Variants in GIGYF2 observed in about 807,000 individuals in gnomAD.
The protein encoded by GIGYF2 is GRB10 interacting GYF protein 2, also known as GRB10-interacting GYF protein 2.
GIGYF2 carries 25 observed loss-of-function variants against 208.1 expected under a neutral mutation model. That is an observed-to-expected ratio of 0.12 (90% CI 0.09 to 0.17). The LOEUF (loss-of-function observed/expected upper bound fraction) is 0.17. GIGYF2 is among the 10% of genes least tolerant of loss of function. The probability of loss-of-function intolerance (pLI) is 1.00; values close to 1 mark genes in which losing one functional copy is unlikely to be tolerated. For synonymous variants in GIGYF2, 534 were observed against 543.8 expected (o/e 0.98, Z 0.25); for missense variants, 1,302 against 1,579.4 (o/e 0.82, Z 2.98).
chr2:232,704,627 G>C (rs1377778007), intron 2 of GIGYF2, among the ~76,000 whole-genome samples: 1 of 152,008 alleles, frequency 6.6e-6, no homozygotes, highest in Non-Finnish European at 1.5e-5. Flanking sequence ...GAACTTCTGG[G>C]CCCAAGTGAT....
At chr2:232,852,737 G>A (rs983346823) in intron 28 of GIGYF2, among the ~76,000 whole-genome samples, 1 of 152,100 alleles carries the variant, frequency 6.6e-6, no homozygotes, top group Non-Finnish European at 1.5e-5. Context: ...GGATGAAATT[G>A]GTGAATAGAT....
chr2:232,787,675 C>G (rs1699957113), intron 9 of GIGYF2, among the ~76,000 whole-genome samples: 1 of 152,176 alleles, frequency 6.6e-6, no homozygotes, highest in Non-Finnish European at 1.5e-5. Flanking sequence ...GTAAAAATTA[C>G]ACACTTGAAA....
chr2:232,800,889 T>C (rs1207692428), intron 14 of GIGYF2, among the ~76,000 whole-genome samples: 1 of 149,808 alleles, frequency 6.7e-6, no homozygotes, highest in Non-Finnish European at 1.5e-5. Flanking sequence ...TGTCTCTCGC[T>C]TTTTTTGAGA....
At chr2:232,807,616 T>C (rs1700597516) in intron 15 of GIGYF2, among the ~76,000 whole-genome samples, 1 of 152,258 alleles carries the variant, frequency 6.6e-6, no homozygotes. Flanking sequence ...CTTCTTCCTC[T>C]TGGGCTGCTC....
At chr2:232,726,601 ATAAG>A (rs1697213991) in intron 2 of GIGYF2, among the ~76,000 whole-genome samples, 3 of 152,068 alleles carry the variant, frequency 2.0e-5, no homozygotes, top group African/African-American at 7.2e-5. Flanking sequence ...AAATAAATAA[ATAAG>A]AGAGTTTTTT....
intron 22 of GIGYF2, among the ~76,000 whole-genome samples, chr2:232,837,855 A>G (rs1053959453): frequency 6.6e-6 from 1 of 152,212 alleles, no homozygotes; most frequent in African/African-American, 2.4e-5. Flanking sequence ...ACAGTGAAAC[A>G]GTTATTTCTT....
intron 18 of GIGYF2, among the ~76,000 whole-genome samples, chr2:232,815,169 A>G (rs1051170886): frequency 6.6e-6 from 1 of 152,216 alleles, no homozygotes; most frequent in African/African-American, 2.4e-5. Context: ...TGAATACTTC[A>G]GTGGCATTCA....
intron 2 of GIGYF2, among the ~76,000 whole-genome samples, chr2:232,712,362 A>G (rs1352755571): frequency 1.3e-5 from 2 of 152,240 alleles, no homozygotes; most frequent in Non-Finnish European, 2.9e-5. Context: ...ATCATGTAGA[A>G]TATTAAAAAG....
intron 1 of GIGYF2, among the ~76,000 whole-genome samples, chr2:232,702,006 T>C (rs1328423663): frequency 4.6e-5 from 7 of 151,700 alleles, no homozygotes; most frequent in African/African-American, 1.7e-4. Context: ...TAAAAAAGAT[T>C]TTTAAAAAAT....
chr2:232,790,684 C>T lies in GIGYF2; in HGVS notation c.713-14C>T, dbSNP rs1700042962. 1 of 1,600,812 alleles carries T rather than the reference C, an allele frequency of 6.2e-7. No homozygotes were observed. Among genetic ancestry groups the T allele is most frequent in the South Asian group, 1.1e-5 (1 of 90,832 alleles). ...AAAACTTTTCTAAGGTTTGTGTCCT[C>T]CTTCTCATCTCAGATGGCCCTCGTT... On this transcript the variant is annotated splice_polypyrimidine_tract_variant and intron_variant, in intron 9 of 28. Coordinates refer to ENST00000373563, the MANE Select transcript of GIGYF2 (RefSeq NM_001103146.3).
chr2:232,727,343 G>A (rs1424905096), intron 2 of GIGYF2, among the ~76,000 whole-genome samples: 1 of 152,152 alleles, frequency 6.6e-6, no homozygotes, highest in Non-Finnish European at 1.5e-5. Flanking sequence ...TATATTGAGA[G>A]AATTGCCTGT....
intron 2 of GIGYF2, among the ~76,000 whole-genome samples, chr2:232,731,744 A>G (rs150344914): frequency 2.7e-3 from 407 of 152,374 alleles, no homozygotes; most frequent in African/African-American, 8.9e-3. Context: ...GGAATGTACC[A>G]TAATTTTAAT....
At chr2:232,781,689 A>G (rs1047037792) in intron 8 of GIGYF2, among the ~76,000 whole-genome samples, 2 of 152,080 alleles carry the variant, frequency 1.3e-5, no homozygotes, top group African/African-American at 4.8e-5. Flanking sequence ...TGATTTGTCT[A>G]CCACCCTTTT....
In GIGYF2 at chr2:232,845,785, A is replaced by G; in HGVS notation, c.3359A>G (p.Lys1120Arg). 6.2e-7 allele frequency: 1 copy of G among 1,612,444 alleles called. No homozygotes were observed. The highest frequency in any genetic ancestry group is 8.5e-7 in the Non-Finnish European group (1 of 1,178,406). ...AATAAGAAAGTAGAAGAAGAAGAAA[A>G]GTTGCTGAAGCTCTTTCAGGGAGTA... Reference protein sequence around the residue: ...RQNKKVEEEEKLLKLFQGVNK... With the variant: ...RQNKKVEEEERLLKLFQGVNK... The change falls in exon 26 of 29, where the codon AAG becomes AGG. Residue 1120 changes from lysine to arginine, a missense_variant. Physicochemically the swap from Lys to Arg is conservative, Grantham distance 26. Coordinates refer to ENST00000373563, the MANE Select transcript of GIGYF2 (RefSeq NM_001103146.3).
intron 22 of GIGYF2, 85 bp downstream of exon 22, chr2:232,833,178 CTG>C (rs1243388346): frequency 5.0e-5 from 35 of 696,242 alleles, no homozygotes; most frequent in Non-Finnish European, 7.5e-5. Flanking sequence ...AGCAGTAAAA[CTG>C]TTCTTTCTTT....
At chr2:232,846,350 A>T (rs566801708) in intron 26 of GIGYF2, among the ~76,000 whole-genome samples, 5 of 152,198 alleles carry the variant, frequency 3.3e-5, no homozygotes, top group Non-Finnish European at 7.3e-5. Context: ...TAAAACTAGG[A>T]CCAATGTGCA....
chr2:232,799,097 C>G (rs923371444), intron 14 of GIGYF2, among the ~76,000 whole-genome samples: 2 of 151,952 alleles, frequency 1.3e-5, no homozygotes, highest in African/African-American at 4.8e-5. Flanking sequence ...AGCATAATGT[C>G]CTCAAGGTTT....
chr2:232,796,884 A>G (rs910225892), intron 14 of GIGYF2, among the ~76,000 whole-genome samples: 4 of 152,192 alleles, frequency 2.6e-5, no homozygotes, highest in Non-Finnish European at 4.4e-5. Context: ...TACAAGGCAG[A>G]AATGTGATGA....
At position 232,858,394 on chromosome 2, in the gene GIGYF2, A is replaced by G. The variant is rs1469639532; in HGVS notation, c.*1534A>G. On this transcript the variant is annotated 3_prime_UTR_variant, in exon 29 of 29. Transcript: ENST00000373563. ...CCTCCCTCCCTTCTAAACATGTGTA[A>G]TAACTATACAGAGACTGCTACAAAA... is the stretch of plus-strand genomic sequence containing the variant. The G allele has an allele frequency of 1.2e-5, 5 of 432,048 alleles. No individual in the cohort carries two copies. Among genetic ancestry groups the G allele is most frequent in the Non-Finnish European group, 1.8e-5 (4 of 220,840 alleles). 26.8% of individuals were successfully genotyped at this position (432,048 alleles called of 1,614,324 possible).
Sources: gnomAD v4.1 joint callset for allele counts (sites outside exome capture counted in the v4.1 genomes callset) on GRCh38, gnomAD v4.1.1 for gene constraint, MANE v1.5 for transcripts, NCBI Gene and HGNC (gene_info 2026-07-23, HGNC 2026-07-21) for gene names.